DNAJC6: variants seen among roughly 807,000 people sequenced by gnomAD.
The protein encoded by DNAJC6 is auxilin.
DNAJC6 carries 34 observed loss-of-function variants against 110.0 expected under a neutral mutation model. The ratio of observed to expected loss-of-function variants is 0.31; its 90% confidence interval spans 0.24 to 0.41. The LOEUF is 0.41. Among genes scored for constraint, DNAJC6 ranks in the 10% least tolerant of loss-of-function variants. The pLI is 1.00. For synonymous variants in DNAJC6, 406 were observed against 437.2 expected (o/e 0.93, Z 0.89); for missense variants, 1,031 against 1,207.8 (o/e 0.85, Z 2.17).
At chr1:65,315,054 G>T (rs1028096963) in intron 1 of DNAJC6, among the ~76,000 whole-genome samples, 1 of 152,174 alleles carries the variant, frequency 6.6e-6, no homozygotes, top group African/African-American at 2.4e-5. Flanking sequence ...TCTCATCAGT[G>T]CAGAGTTCTT....
At chr1:65,378,716 G>T (rs753745036) in intron 4 of DNAJC6, among the ~76,000 whole-genome samples, 1 of 152,184 alleles carries the variant, frequency 6.6e-6, no homozygotes, top group Non-Finnish European at 1.5e-5. Flanking sequence ...CAGTGCTGAC[G>T]CTGAGCAGCA....
chr1:65,379,583 T>C (rs1304000751), intron 5 of DNAJC6, 59 bp downstream of exon 5: 16 of 1,591,700 alleles, frequency 1.0e-5, no homozygotes, highest in Non-Finnish European at 1.4e-5. Context: ...TGGATGAGCC[T>C]GTACACAATG....
chr1:65,308,732 C>CAA (rs145147637), upstream of DNAJC6, among the ~76,000 whole-genome samples: 992 of 152,312 alleles, frequency 6.5e-3, 9 homozygotes, highest in East Asian at 0.022. Context: ...AGCAGGCCTT[C>CAA]AAGCTAGCTA....
At chr1:65,410,181 A>G (rs1009611929) in intron 17 of DNAJC6, among the ~76,000 whole-genome samples, 2 of 152,234 alleles carry the variant, frequency 1.3e-5, no homozygotes, top group African/African-American at 2.4e-5. Context: ...TCTGTATTAA[A>G]GCATCTGCAA....
intron 1 of DNAJC6, among the ~76,000 whole-genome samples, chr1:65,301,796 C>T (rs1375591875): frequency 6.6e-6 from 1 of 151,910 alleles, no homozygotes; most frequent in Admixed American, 6.6e-5. Flanking sequence ...AAATGTGATT[C>T]ATGGACAAAA....
Position 65,413,137 on chromosome 1 carries a change from A to T in DNAJC6, c.*112A>T, listed in dbSNP as rs1646144014. The T allele has an allele frequency of 2.4e-6, 2 of 822,094 alleles. No homozygotes were observed. The highest frequency in any genetic ancestry group is 3.9e-6 in the Non-Finnish European group (2 of 512,816). 50.9% of individuals were successfully genotyped at this position (822,094 alleles called of 1,614,324 possible). On this transcript the variant is annotated 3_prime_UTR_variant, in exon 19 of 19. Transcript: ENST00000371069. ...ACTCCAGTAACATGTTTTCAGTACT[A>T]AACCGTTAAGTTACTCATGAATTAA... is the stretch of plus-strand genomic sequence containing the variant.
At position 65,317,707 on chromosome 1, in the gene DNAJC6, G is replaced by A. The variant is rs370140907; in HGVS notation, c.193+7769G>A. Among the ~76,000 whole-genome samples the A allele has an allele frequency of 3.9e-5, 6 of 152,278 alleles. No homozygotes were observed. In the East Asian group the frequency reaches 5.8e-4, roughly 15 times the overall value. ...CAAGTGTGTTTGGCATACATTGTAA[G>A]CCACTTCCTAATTTTAGAAGTGTTA... is the stretch of plus-strand genomic sequence containing the variant. On this transcript the variant is annotated intron_variant, in intron 1 of 18. Transcript: ENST00000371069.
At chr1:65,386,951 T>C in intron 8 of DNAJC6, 22 bp downstream of exon 8, 2 of 1,582,824 alleles carry the variant, frequency 1.3e-6, no homozygotes, top group Non-Finnish European at 1.7e-6. Context: ...GGAAGAATCA[T>C]GGCATAAGTT....
chr1:65,319,724 A>G (rs1645180831), intron 1 of DNAJC6, among the ~76,000 whole-genome samples: 1 of 152,190 alleles, frequency 6.6e-6, no homozygotes, highest in African/African-American at 2.4e-5. Flanking sequence ...CCACTTGAGC[A>G]TTGCGGCAAA....
intron 1 of DNAJC6, among the ~76,000 whole-genome samples, chr1:65,335,267 C>G (rs940780037): frequency 7.7e-6 from 1 of 129,062 alleles, no homozygotes; most frequent in Non-Finnish European, 1.6e-5. Context: ...ACCACCCACG[C>G]CCAGCTAATT....
chr1:65,349,067 TAC>T (rs1645465212), intron 1 of DNAJC6, among the ~76,000 whole-genome samples: 1 of 136,814 alleles, frequency 7.3e-6, no homozygotes, highest in East Asian at 2.0e-4. Context: ...TATATGTAAA[TAC>T]ATATATAAAA....
At chr1:65,367,981 T>G (rs998962780) in intron 4 of DNAJC6, among the ~76,000 whole-genome samples, 6 of 151,364 alleles carry the variant, frequency 4.0e-5, no homozygotes, top group African/African-American at 1.5e-4. Context: ...TCATTTAGCA[T>G]TAGGTATATC....
At chr1:65,365,735 C>T in intron 2 of DNAJC6, 150 bp from the exon 3 acceptor site, 3 of 825,690 alleles carry the variant, frequency 3.6e-6, no homozygotes, top group South Asian at 3.5e-5. Flanking sequence ...TCTCAGTGAT[C>T]CTTCCTTGTT....
chr1:65,412,637 T>C (rs575362861), intron 18 of DNAJC6, among the ~76,000 whole-genome samples: 1 of 152,290 alleles, frequency 6.6e-6, no homozygotes, highest in East Asian at 1.9e-4. Context: ...CCTTTGTCAT[T>C]TGGCAGATAC....
intron 13 of DNAJC6, 72 bp downstream of exon 13, chr1:65,395,104 AAAAGCACCCTGTG>A (rs1443678660): frequency 7.0e-7 from 1 of 1,436,886 alleles, no homozygotes. Flanking sequence ...GCTCATATAT[AAAAGCACCCTGTG>A]GGTGCTTTTT....
upstream of DNAJC6, among the ~76,000 whole-genome samples, chr1:65,304,658 G>C (rs1011250669): frequency 6.6e-6 from 1 of 152,066 alleles, no homozygotes; most frequent in African/African-American, 2.4e-5. Flanking sequence ...GAGGATTCTC[G>C]GTCTATTTTG....
At chr1:65,286,409 G>C (rs886209846) in intron 1 of DNAJC6, among the ~76,000 whole-genome samples, 1 of 152,034 alleles carries the variant, frequency 6.6e-6, no homozygotes, top group Non-Finnish European at 1.5e-5. Flanking sequence ...ACCACACCTG[G>C]TTAATTTTTA....
At chr1:65,411,931 A>G (rs536476699) in intron 18 of DNAJC6, among the ~76,000 whole-genome samples, 65 of 152,140 alleles carry the variant, frequency 4.3e-4, no homozygotes, top group Middle Eastern at 3.2e-3. Flanking sequence ...AGATCGCTCC[A>G]CTGTACTCCA....
chr1:65,270,131 A>T (rs911456055), intron 1 of DNAJC6, among the ~76,000 whole-genome samples: 1 of 152,224 alleles, frequency 6.6e-6, no homozygotes, highest in Non-Finnish European at 1.5e-5. Context: ...ACACCAGTAC[A>T]ACACACCTGA....
Sources: gnomAD v4.1 joint callset for allele counts (sites outside exome capture counted in the v4.1 genomes callset) on GRCh38, gnomAD v4.1.1 for gene constraint, MANE v1.5 for transcripts, NCBI Gene and HGNC (gene_info 2026-07-23, HGNC 2026-07-21) for gene names.